The following GLI3 variants were observed in gnomAD, a reference collection of about 807,000 sequenced individuals.
The protein encoded by GLI3 is GLI family zinc finger 3.
GLI3 carries 20 observed loss-of-function variants against 100.8 expected under a neutral mutation model. The observed-to-expected ratio is 0.20, with a 90% CI of 0.14 to 0.29. The LOEUF (loss-of-function observed/expected upper bound fraction) is 0.29. GLI3 is among the 10% of genes least tolerant of loss of function. The pLI, the probability that GLI3 is intolerant of heterozygous loss-of-function variation, is 1.00. For missense variants in GLI3, 2,040 were observed against 2,128.5 expected (o/e 0.96, Z 0.82); for synonymous variants, 938 against 860.5 (o/e 1.09, Z -1.58).
chr7:41,971,978 C>A (rs1298141167), intron 13 of GLI3, among the ~76,000 whole-genome samples: 1 of 152,160 alleles, frequency 6.6e-6, no homozygotes, highest in Non-Finnish European at 1.5e-5. Flanking sequence ...TGGGCCATGG[C>A]CTATTTACCT....
chr7:42,138,026 C>G (rs1256973268), intron 3 of GLI3, among the ~76,000 whole-genome samples: 1 of 152,148 alleles, frequency 6.6e-6, no homozygotes, highest in Non-Finnish European at 1.5e-5. Context: ...TGTTAAGGCT[C>G]TGCCTAGGTG....
chr7:42,236,014 C>T (rs1788783544), intron 1 of GLI3, among the ~76,000 whole-genome samples: 1 of 150,910 alleles, frequency 6.6e-6, no homozygotes, highest in South Asian at 2.1e-4. Flanking sequence ...CGGGGTCAGG[C>T]AGGGAAGCCT....
intron 2 of GLI3, among the ~76,000 whole-genome samples, chr7:42,197,912 C>A (rs1465945027): frequency 6.6e-6 from 1 of 152,178 alleles, no homozygotes; most frequent in Non-Finnish European, 1.5e-5. Context: ...GATGGTGAAT[C>A]AGACTGGAGG....
intron 3 of GLI3, among the ~76,000 whole-genome samples, chr7:42,086,927 G>C (rs781622685): frequency 6.6e-6 from 1 of 152,172 alleles, no homozygotes; most frequent in East Asian, 1.9e-4. Flanking sequence ...CCATGGGGGT[G>C]AGCACACCAC....
At chr7:42,044,100 T>C (rs1424722650) in intron 6 of GLI3, among the ~76,000 whole-genome samples, 1 of 151,926 alleles carries the variant, frequency 6.6e-6, no homozygotes, top group South Asian at 2.1e-4. Context: ...GGCTGTAGAG[T>C]TTTTACCCCT....
At position 41,965,145 on chromosome 7, in the gene GLI3, T is replaced by C. The variant is rs1398555539; in HGVS notation, c.3928A>G (p.Asn1310Asp). Residue 1310 changes from asparagine (N) to aspartate (D), a missense_variant, in exon 15 of 15, where the codon AAT becomes GAT. By Grantham distance (23) the Asn-to-Asp change is conservative. Around this residue, in one of 5 missense-constraint regions of GLI3, gnomAD observed 1,041 missense variants for 924.0 expected, o/e 1.13. Coordinates refer to ENST00000395925, the MANE Select transcript of GLI3 (RefSeq NM_000168.6). The stretch of plus-strand genomic sequence containing the variant: ...ACTGGGTCCTGGTTCTGCATGCCAT[T>C]CACCATGCTGCCAGCTGACTCATTT... The part of the protein sequence containing the change: ...APNESAGSMV[N>D]GMQNQDPVGQ... The C allele has an allele frequency of 6.2e-7, 1 of 1,613,746 alleles. No homozygotes were observed. Among genetic ancestry groups the C allele is most frequent in the Non-Finnish European group, 8.5e-7 (1 of 1,179,990 alleles).
At chr7:42,177,784 T>G (rs1177668423) in intron 2 of GLI3, among the ~76,000 whole-genome samples, 1 of 152,242 alleles carries the variant, frequency 6.6e-6, no homozygotes, top group African/African-American at 2.4e-5. Flanking sequence ...TGTGCTCCTC[T>G]GCAAGAGTGC....
intron 2 of GLI3, among the ~76,000 whole-genome samples, chr7:42,170,251 CA>C (rs779153437): frequency 0.19 from 20,052 of 104,380 alleles, 1,717 homozygotes; most frequent in Non-Finnish European, 0.25. Context: ...GACTGTGTTT[CA>C]AAAAAAAAAA....
intron 10 of GLI3, among the ~76,000 whole-genome samples, chr7:42,002,856 T>G (rs546541154): frequency 6.6e-6 from 1 of 152,322 alleles, no homozygotes; most frequent in East Asian, 1.9e-4. Flanking sequence ...CTTGTTTCCA[T>G]CATCTGGAAA....
chr7:42,012,962 T>A (rs1788660378), intron 10 of GLI3, among the ~76,000 whole-genome samples: 1 of 152,194 alleles, frequency 6.6e-6, no homozygotes, highest in South Asian at 2.1e-4. Context: ...ACAGGTCACA[T>A]GTGCTGAAGC....
At chr7:42,137,901 T>C (rs2128780810) in intron 3 of GLI3, among the ~76,000 whole-genome samples, 1 of 152,282 alleles carries the variant, frequency 6.6e-6, no homozygotes, top group African/African-American at 2.4e-5. Flanking sequence ...TTGTGTAGAC[T>C]TGGATTTCAT....
chr7:42,094,515 C>A (rs1226620049), intron 3 of GLI3, among the ~76,000 whole-genome samples: 2 of 151,598 alleles, frequency 1.3e-5, no homozygotes, highest in Admixed American at 6.6e-5. Context: ...GCAGGTGGAT[C>A]ACTTGAGGTC....
intron 2 of GLI3, among the ~76,000 whole-genome samples, chr7:42,178,308 A>C (rs2128680303): frequency 6.6e-6 from 1 of 152,310 alleles, no homozygotes; most frequent in South Asian, 2.1e-4. Flanking sequence ...TCATATCAGT[A>C]AGGCAAACTG....
chr7:42,228,144 T>C (rs1353333523), intron 1 of GLI3, among the ~76,000 whole-genome samples: 1 of 152,016 alleles, frequency 6.6e-6, no homozygotes, highest in Non-Finnish European at 1.5e-5. Context: ...TGCAGCCGCG[T>C]CGCCGCATCC....
At chr7:42,157,567 GA>G (rs1787033624) in intron 2 of GLI3, among the ~76,000 whole-genome samples, 1 of 152,116 alleles carries the variant, frequency 6.6e-6, no homozygotes, top group Non-Finnish European at 1.5e-5. Flanking sequence ...GGGAGGAAGA[GA>G]AATATATAAT....
intron 3 of GLI3, among the ~76,000 whole-genome samples, chr7:42,137,065 T>A (rs1402666532): frequency 1.3e-5 from 2 of 152,246 alleles, no homozygotes; most frequent in Admixed American, 6.5e-5. Context: ...TTACCAGGTC[T>A]CAGTTTCCTC....
At chr7:42,027,418 T>C (rs991647040) in intron 7 of GLI3, among the ~76,000 whole-genome samples, 1 of 152,212 alleles carries the variant, frequency 6.6e-6, no homozygotes, top group African/African-American at 2.4e-5. Context: ...TGCTGTGTAA[T>C]ACCCAGAAAG....
chr7:42,126,085 A>G (rs1476358689), intron 3 of GLI3, among the ~76,000 whole-genome samples: 1 of 152,204 alleles, frequency 6.6e-6, no homozygotes, highest in African/African-American at 2.4e-5. Flanking sequence ...AAACACACAT[A>G]TACTGCAGGT....
At chr7:42,237,928 G>A (rs970963293), upstream of GLI3, 837 of 148,340 alleles carry the variant, frequency 5.6e-3, 14 homozygotes, top group Non-Finnish European at 6.6e-3. Flanking sequence ...TCGGGGGCTG[G>A]GGGGGAGCCC....
Sources: gnomAD v4.1 joint callset for allele counts (sites outside exome capture counted in the v4.1 genomes callset) on GRCh38, gnomAD v4.1.1 for gene constraint, gnomAD v4.1.1 regional missense constraint, MANE v1.5 for transcripts, NCBI Gene and HGNC (gene_info 2026-07-23, HGNC 2026-07-21) for gene names.